The following CPLANE1 variants were observed in gnomAD, a reference collection of about 807,000 sequenced individuals.
The protein encoded by CPLANE1 is ciliogenesis and planar polarity effector 1.
A neutral mutation model predicts 362.5 loss-of-function variants in CPLANE1; 263 were observed. That is an observed-to-expected ratio of 0.73 (90% CI 0.66 to 0.80). The LOEUF is 0.80. Among genes scored for constraint, CPLANE1 ranks in the 30% least tolerant of loss-of-function variants. CPLANE1 has a pLI of 0.00. For missense variants in CPLANE1, 3,461 were observed against 3,793.4 expected, an observed-to-expected ratio of 0.91 and a Z score of 2.30; for synonymous variants, 1,212 against 1,302.6, an observed-to-expected ratio of 0.93 and a Z score of 1.50.
chr5:37,152,179 CTTTG>C (rs1228876323), intron 42 of CPLANE1, among the ~76,000 whole-genome samples: 1 of 151,886 alleles, frequency 6.6e-6, no homozygotes, highest in African/African-American at 2.4e-5. Context: ...AGACATTTAA[CTTTG>C]TTTTTTTTTA....
intron 47 of CPLANE1, among the ~76,000 whole-genome samples, chr5:37,123,926 A>AACAC (rs767541734): frequency 2.0e-5 from 2 of 99,730 alleles, no homozygotes; most frequent in African/African-American, 9.8e-5. Flanking sequence ...AGGCTAGGGG[A>AACAC]ACATACACAC....
At chr5:37,122,933 C>A (rs1228432353) in intron 47 of CPLANE1, among the ~76,000 whole-genome samples, 1 of 151,830 alleles carries the variant, frequency 6.6e-6, no homozygotes, top group Non-Finnish European at 1.5e-5. Flanking sequence ...AAATGGAAGG[C>A]AAAATCTATT....
chr5:37,125,427 C>T lies in CPLANE1; in HGVS notation c.8793-18G>A, dbSNP rs1366480453. On this transcript the variant is annotated intron_variant, in intron 46 of 52. Coordinates refer to ENST00000651892, the MANE Select transcript of CPLANE1 (RefSeq NM_001384732.1). ...GCTGAATTCTGAGAAATTTAACAAG[C>T]AAGACATCATTTGCTTTTAAATTTG... is the stretch of plus-strand genomic sequence containing the variant. 6.2e-7 allele frequency: 1 copy of T among 1,607,164 alleles called. No homozygotes were observed. The highest frequency in any genetic ancestry group is 1.1e-5 in the South Asian group (1 of 90,194).
intron 15 of CPLANE1, among the ~76,000 whole-genome samples, chr5:37,216,197 G>A (rs1165646073): frequency 6.6e-6 from 1 of 152,100 alleles, no homozygotes; most frequent in Non-Finnish European, 1.5e-5. Flanking sequence ...ACTCCCATTA[G>A]TAATAGTAGC....
At chr5:37,136,092 T>C (rs752027132) in intron 46 of CPLANE1, among the ~76,000 whole-genome samples, 1 of 152,134 alleles carries the variant, frequency 6.6e-6, no homozygotes, top group Non-Finnish European at 1.5e-5. Flanking sequence ...TCTTAACTCA[T>C]TCTAGCATTA....
In CPLANE1 at chr5:37,153,996, AAATATT is replaced by A; in HGVS notation, c.8120-9_8120-4del. 2 of 1,595,048 alleles carry A rather than the reference AAATATT, an allele frequency of 1.3e-6. No individual in the cohort carries two copies. The highest frequency in any genetic ancestry group is 1.7e-6 in the Non-Finnish European group (2 of 1,169,126). ...TCGGAACTCTGGTTTTGGCAGACCTAAATATTAATAAGAATAAAAGCAGAATTGATT... is the reference window on the plus strand; with the variant it reads ...TCGGAACTCTGGTTTTGGCAGACCTAAATAAGAATAAAAGCAGAATTGATT... On this transcript the variant is annotated splice_polypyrimidine_tract_variant and splice_region_variant and intron_variant, in intron 41 of 52. Transcript: ENST00000651892.
intron 19 of CPLANE1, among the ~76,000 whole-genome samples, chr5:37,199,669 A>G (rs1369173797): frequency 6.6e-6 from 1 of 152,196 alleles, no homozygotes; most frequent in African/African-American, 2.4e-5. Flanking sequence ...TTTCCCAGAT[A>G]ATGAGATAAT....
chr5:37,116,485 CAAAAAAAAAAAAA>C lies in CPLANE1; in HGVS notation c.9311-1449_9311-1437del, dbSNP rs70976277. The stretch of plus-strand genomic sequence containing the variant: ...TGGGTGACAGAGCAAGACTCTGCCT[CAAAAAAAAAAAAA>C]AAAAAAAAAAAAAAAAAGGCTGAAG... On this transcript the variant is annotated intron_variant, in intron 50 of 52. Coordinates refer to ENST00000651892, the MANE Select transcript of CPLANE1 (RefSeq NM_001384732.1). 4.6e-4 allele frequency among the ~76,000 whole-genome samples: 12 copies of C among 25,952 alleles called. No homozygotes were observed. The South Asian group carries it at 0.011, about 23-fold the overall frequency. The allele number at this position is 25,952 out of a possible 152,430, so 17.0% of individuals were successfully genotyped here. A position where few individuals can be genotyped will look rare whatever the true frequency, so the allele number is the denominator to read the frequency against.
At chr5:37,084,935 A>T in the CPLANE1 span, 2 of 500,898 alleles carry the variant, frequency 4.0e-6, no homozygotes, top group Non-Finnish European at 7.2e-6. Context: ...ATGCAAATGG[A>T]CACCAAAAGT....
At chr5:37,118,231 A>G (rs1168668562) in intron 50 of CPLANE1, among the ~76,000 whole-genome samples, 3 of 151,940 alleles carry the variant, frequency 2.0e-5, no homozygotes, top group African/African-American at 7.3e-5. Context: ...CCCCATCTCT[A>G]CAAAAAATGA....
chr5:37,179,437 A>G lies in CPLANE1; in HGVS notation c.5744T>C (p.Ile1915Thr), dbSNP rs753876890. The change falls in exon 29 of 53, where the codon ATT becomes ACT. Residue 1915 changes from isoleucine (I) to threonine (T), a missense_variant. By Grantham distance (89) the Ile-to-Thr change is moderately conservative. Around this residue, in one of 2 missense-constraint regions of CPLANE1, gnomAD observed 3,380 missense variants for 3,666.1 expected, o/e 0.92. Coordinates refer to ENST00000651892, the MANE Select transcript of CPLANE1 (RefSeq NM_001384732.1). ...DMHISDYEED[I>T]EESVGGFRSP... ...TCTGAAACCTCCAACAGATTCTTCAATGTCTTCTAGCGATAAGTGAAGATG... is the reference window on the plus strand; with the variant it reads ...TCTGAAACCTCCAACAGATTCTTCAGTGTCTTCTAGCGATAAGTGAAGATG... 8.1e-6 allele frequency: 13 copies of G among 1,610,822 alleles called. No individual in the cohort carries two copies. In the South Asian group the frequency reaches 1.1e-4, roughly 14 times the overall value.
chr5:37,077,796 T>C, the CPLANE1 span, among the ~76,000 whole-genome samples: 1 of 151,884 alleles, frequency 6.6e-6, no homozygotes, highest in Non-Finnish European at 1.5e-5. Context: ...AAATTTTTTT[T>C]GTAGAGACAG....
chr5:37,217,713 A>G (rs1353726952), intron 15 of CPLANE1, among the ~76,000 whole-genome samples: 1 of 151,884 alleles, frequency 6.6e-6, no homozygotes, highest in Non-Finnish European at 1.5e-5. Flanking sequence ...GAAGTGGCTC[A>G]TGCCTGTAAT....
intron 23 of CPLANE1, 83 bp from the exon 24 acceptor site, chr5:37,186,477 C>G (rs1415657812): frequency 1.4e-6 from 1 of 711,568 alleles, no homozygotes; most frequent in Admixed American, 2.1e-5. Flanking sequence ...TATTTTAACT[C>G]AAAATATAAA....
chr5:37,149,852 C>A (rs538840580), intron 42 of CPLANE1, among the ~76,000 whole-genome samples: 1 of 152,116 alleles, frequency 6.6e-6, no homozygotes. Flanking sequence ...CAACCTTGTA[C>A]CACAATTATA....
At chr5:37,241,492 T>C (rs1479694615) in intron 6 of CPLANE1, among the ~76,000 whole-genome samples, 1 of 152,076 alleles carries the variant, frequency 6.6e-6, no homozygotes, top group Non-Finnish European at 1.5e-5. Flanking sequence ...GATAGGTAGA[T>C]AGACAGAAAG....
At chr5:37,148,692 G>A (rs1772490148) in intron 42 of CPLANE1, among the ~76,000 whole-genome samples, 1 of 152,178 alleles carries the variant, frequency 6.6e-6, no homozygotes, top group Admixed American at 6.5e-5. Context: ...GTTTTCTTAA[G>A]TTAGGCAAGT....
intron 23 of CPLANE1, among the ~76,000 whole-genome samples, chr5:37,186,634 T>C (rs1179372565): frequency 6.6e-6 from 1 of 152,236 alleles, no homozygotes; most frequent in African/African-American, 2.4e-5. Context: ...TACAATGTGA[T>C]GATTTAATAT....
chr5:37,144,013 G>GA, intron 43 of CPLANE1, among the ~76,000 whole-genome samples: 1 of 150,834 alleles, frequency 6.6e-6, no homozygotes, highest in East Asian at 1.9e-4. Context: ...AGAGAGAAAA[G>GA]AAAAAATGGG....
Sources: allele counts gnomAD v4.1 joint callset (sites outside exome capture counted in the v4.1 genomes callset), GRCh38; gene constraint gnomAD v4.1.1; regional missense constraint gnomAD v4.1.1; transcripts MANE v1.5; gene names NCBI Gene and HGNC (gene_info 2026-07-23, HGNC 2026-07-21).